Variants in ARIH2 observed in about 807,000 individuals in gnomAD.
The protein encoded by ARIH2 is ariadne RBR E3 ubiquitin protein ligase 2.
Under a neutral mutation model 79.8 loss-of-function variants are expected in ARIH2, and 12 were observed. That is an observed-to-expected ratio of 0.15 (90% confidence interval 0.10 to 0.24). ARIH2 has a LOEUF of 0.24. Ranked by LOEUF, ARIH2 falls within the 10% of genes least tolerant of loss-of-function variation. The probability of loss-of-function intolerance (pLI) is 1.00; values close to 1 mark genes in which losing one functional copy is unlikely to be tolerated. For synonymous variants in ARIH2, 224 were observed against 213.9 expected (o/e 1.05, Z -0.41); for missense variants, 301 against 618.3 (o/e 0.49, Z 5.44).
chr3:48,931,027 C>T (rs892956304), intron 3 of ARIH2, among the ~76,000 whole-genome samples: 1 of 152,088 alleles, frequency 6.6e-6, no homozygotes, highest in Non-Finnish European at 1.5e-5. Context: ...TATAGTATAG[C>T]ATAAAATTAA....
At chr3:48,959,214 G>GCGGA (rs1326520091) in intron 3 of ARIH2, among the ~76,000 whole-genome samples, 1 of 151,126 alleles carries the variant, frequency 6.6e-6, no homozygotes, top group African/African-American at 2.4e-5. Flanking sequence ...TACTAGGGAG[G>GCGGA]CGGAGGCAGG....
chr3:48,950,940 T>C, intron 3 of ARIH2, among the ~76,000 whole-genome samples: 1 of 151,450 alleles, frequency 6.6e-6, no homozygotes. Flanking sequence ...CTTTGTATTT[T>C]CTTTCTTCTT....
chr3:48,978,974 AAAAG>A (rs891976410), intron 11 of ARIH2, among the ~76,000 whole-genome samples: 6 of 152,152 alleles, frequency 3.9e-5, no homozygotes, highest in Non-Finnish European at 8.8e-5. Context: ...AAAAAAAAGA[AAAAG>A]AAAAATAAGA....
At chr3:48,963,779 C>T (rs1304534707) in intron 4 of ARIH2, among the ~76,000 whole-genome samples, 1 of 152,158 alleles carries the variant, frequency 6.6e-6, no homozygotes, top group African/African-American at 2.4e-5. Flanking sequence ...TAAATGGCAT[C>T]TAATTGTTTC....
chr3:48,956,557 A>G (rs2090609663), intron 3 of ARIH2, among the ~76,000 whole-genome samples: 1 of 142,346 alleles, frequency 7.0e-6, no homozygotes, highest in Non-Finnish European at 1.5e-5. Flanking sequence ...CAGCCTCCTG[A>G]GTAGCTGGGA....
chr3:48,947,267 C>T (rs2089301292), intron 3 of ARIH2, among the ~76,000 whole-genome samples: 1 of 152,066 alleles, frequency 6.6e-6, no homozygotes, highest in Admixed American at 6.6e-5. Flanking sequence ...ATGGAGATAA[C>T]CTCATCTCTA....
intron 3 of ARIH2, among the ~76,000 whole-genome samples, chr3:48,949,406 C>A (rs145551205): frequency 1.3e-5 from 2 of 152,184 alleles, no homozygotes; most frequent in African/African-American, 4.8e-5. Context: ...CGTGCCCAGC[C>A]GTGTTTAACA....
In ARIH2 at chr3:48,985,893, A is replaced by G. The variant is rs999535040; in HGVS notation, c.*2623A>G. The G allele has an allele frequency of 6.6e-6, 1 of 152,230 alleles. No individual in the cohort carries two copies. Among genetic ancestry groups the G allele is most frequent in the Admixed American group, 6.5e-5 (1 of 15,276 alleles). The allele number at this position is 152,230 out of a possible 1,614,324, so 9.4% of individuals were successfully genotyped here. A position where few individuals can be genotyped will look rare whatever the true frequency, so the allele number is the denominator to read the frequency against. On this transcript the variant is annotated 3_prime_UTR_variant, in exon 16 of 16. Coordinates refer to ENST00000356401, the MANE Select transcript of ARIH2 (RefSeq NM_006321.4). ...TGAGACCTCCGGACCCCTCCAAAGC[A>G]GACATGGGAATGTAGGGCTGTGGAA... is the stretch of plus-strand genomic sequence containing the variant.
chr3:48,961,546 C>T (rs2091263220), intron 3 of ARIH2, 66 bp from the exon 4 acceptor site: 2 of 1,038,088 alleles, frequency 1.9e-6, no homozygotes, highest in South Asian at 1.3e-5. Context: ...ATACAGTTCT[C>T]AAAATGCGAA....
intron 3 of ARIH2, among the ~76,000 whole-genome samples, chr3:48,942,511 CTT>C (rs746857271): frequency 1.4e-5 from 2 of 145,898 alleles, no homozygotes. Flanking sequence ...TTCCTTTTCA[CTT>C]TTTTTTTTTT....
chr3:48,955,120 C>G (rs2090429505), intron 3 of ARIH2, among the ~76,000 whole-genome samples: 1 of 152,182 alleles, frequency 6.6e-6, no homozygotes, highest in African/African-American at 2.4e-5. Flanking sequence ...ATCACTTGAA[C>G]CCGAGAAGCA....
chr3:48,933,235 GGTGTGTGTGTGTGT>G (rs57911300), intron 3 of ARIH2, among the ~76,000 whole-genome samples: 20,566 of 134,202 alleles, frequency 0.15, 1,870 homozygotes, highest in Middle Eastern at 0.22. Flanking sequence ...CACATGCCCG[GGTGTGTGTGTGTGT>G]GTGTGTGTGT....
At chr3:48,943,903 G>GT (rs2107280273) in intron 3 of ARIH2, among the ~76,000 whole-genome samples, 1 of 152,262 alleles carries the variant, frequency 6.6e-6, no homozygotes, top group Non-Finnish European at 1.5e-5. Flanking sequence ...ACATAGCATT[G>GT]TTTCAAATAA....
At chr3:48,946,735 G>A (rs1018375154) in intron 3 of ARIH2, among the ~76,000 whole-genome samples, 8 of 152,150 alleles carry the variant, frequency 5.3e-5, no homozygotes, top group South Asian at 2.1e-4. Flanking sequence ...CCCCAGTAGC[G>A]TCTAACCCAT....
At chr3:48,933,235 GGT>G (rs57911300) in intron 3 of ARIH2, among the ~76,000 whole-genome samples, 2,329 of 134,262 alleles carry the variant, frequency 0.017, 34 homozygotes, top group Non-Finnish European at 0.028. Flanking sequence ...CACATGCCCG[GGT>G]GTGTGTGTGT....
In ARIH2 at chr3:48,927,419, T is replaced by C. The variant is rs1360082209; in HGVS notation, c.-97-43T>C. ...CTTGAATGGTTTCTGTTACAACTTG[T>C]CATGGGGAAAAAGTAACACTTATTT... is the stretch of plus-strand genomic sequence containing the variant. On this transcript the variant is annotated intron_variant, in intron 2 of 15. Transcript: ENST00000356401. The C allele has an allele frequency of 2.8e-6, 3 of 1,058,358 alleles. No homozygotes were observed. The African/African-American group carries it at 4.8e-5, about 17-fold the overall frequency. 65.6% of individuals were successfully genotyped at this position (1,058,358 alleles called of 1,614,324 possible).
intron 1 of ARIH2, among the ~76,000 whole-genome samples, chr3:48,920,492 C>CT (rs1242750147): frequency 0.012 from 487 of 40,970 alleles, 92 homozygotes; most frequent in African/African-American, 0.026. Context: ...TGAGCAATTT[C>CT]TTTTTTTTTT....
intron 13 of ARIH2, among the ~76,000 whole-genome samples, chr3:48,981,120 A>G (rs552014553): frequency 6.6e-6 from 1 of 150,478 alleles, no homozygotes; most frequent in South Asian, 2.1e-4. Context: ...GCTTGAGCCC[A>G]GGAGTTTGAG....
At chr3:48,972,463 G>C (rs1186020642) in intron 8 of ARIH2, among the ~76,000 whole-genome samples, 1 of 152,058 alleles carries the variant, frequency 6.6e-6, no homozygotes, top group Admixed American at 6.6e-5. Flanking sequence ...GGCCAACATG[G>C]TGAAATCATG....
Sources: gnomAD v4.1 joint callset for allele counts (sites outside exome capture counted in the v4.1 genomes callset) on GRCh38, gnomAD v4.1.1 for gene constraint, MANE v1.5 for transcripts, NCBI Gene and HGNC (gene_info 2026-07-23, HGNC 2026-07-21) for gene names.